The following ANO2 variants were observed in gnomAD, a reference collection of about 807,000 sequenced individuals.
The protein encoded by ANO2 is anoctamin 2, also known as anoctamin-2.
A neutral mutation model predicts 124.2 loss-of-function variants in ANO2; 101 were observed. The observed-to-expected ratio is 0.81, with a 90% CI of 0.69 to 0.96. The LOEUF (loss-of-function observed/expected upper bound fraction) is 0.96. ANO2 is among the 40% of genes least tolerant of loss of function. The pLI is 0.00. For missense variants in ANO2, 1,293 were observed against 1,274.5 expected (o/e 1.01, Z -0.22); for synonymous variants, 486 against 482.5 (o/e 1.01, Z -0.09).
At chr12:5,612,992 A>G in intron 17 of ANO2, 34 bp from the exon 18 acceptor site, 6 of 1,610,736 alleles carry the variant, frequency 3.7e-6, no homozygotes, top group Non-Finnish European at 4.2e-6. Flanking sequence ...AGTTAGGGGA[A>G]GAGAAAGCAT....
chr12:5,645,514 A>G lies in ANO2; in HGVS notation c.1620+2213T>C, dbSNP rs550711205. ...ATATATAACAATAATATTTTTGTTA[A>G]TTTCTATATATATTTATTTCTAGCA... On this transcript the variant is annotated intron_variant, in intron 15 of 24. Transcript: ENST00000682330. Among the ~76,000 whole-genome samples the G allele has an allele frequency of 2.4e-4, 37 of 152,094 alleles. No individual in the cohort carries two copies. The South Asian group carries it at 7.3e-3, about 30-fold the overall frequency.
At chr12:5,782,091 T>C (rs1952416945) in intron 10 of ANO2, among the ~76,000 whole-genome samples, 1 of 152,214 alleles carries the variant, frequency 6.6e-6, no homozygotes, top group Admixed American at 6.5e-5. Flanking sequence ...TTTCGTTTTG[T>C]CAACTACTGC....
rs532788743 is a variant in ANO2 at position 5,603,863 on chromosome 12, T to C, written c.2088-4234A>G. Among the ~76,000 whole-genome samples the C allele has an allele frequency of 4.4e-5, 6 of 135,618 alleles. No individual in the cohort carries two copies. The South Asian group carries it at 1.4e-3, about 32-fold the overall frequency. The allele number at this position is 135,618 out of a possible 152,430, so 89.0% of individuals were successfully genotyped here. A position where few individuals can be genotyped will look rare whatever the true frequency, so the allele number is the denominator to read the frequency against. ...GGGAGGCTGAGGCAGGAGAATGGCATGAACCCGGGAGGCGGAGGTTGCAGT... is the reference window on the plus strand; with the variant it reads ...GGGAGGCTGAGGCAGGAGAATGGCACGAACCCGGGAGGCGGAGGTTGCAGT... On this transcript the variant is annotated intron_variant, in intron 19 of 24. Transcript: ENST00000682330.
At chr12:5,847,233 A>G (rs1276151833) in intron 4 of ANO2, among the ~76,000 whole-genome samples, 1 of 152,198 alleles carries the variant, frequency 6.6e-6, no homozygotes, top group Non-Finnish European at 1.5e-5. Context: ...GAGCTGGGAC[A>G]TCAGTCTTTT....
chr12:5,939,272 T>C (rs1260196269), intron 1 of ANO2, among the ~76,000 whole-genome samples: 2 of 137,546 alleles, frequency 1.5e-5, no homozygotes, highest in Non-Finnish European at 3.1e-5. Context: ...TTCAACATAA[T>C]CAAAAGCTCC....
chr12:5,584,267 C>T (rs529752038), intron 20 of ANO2, among the ~76,000 whole-genome samples: 1 of 152,208 alleles, frequency 6.6e-6, no homozygotes, highest in Admixed American at 6.5e-5. Flanking sequence ...CAAAGGGACT[C>T]CTGTGTGCAC....
intron 14 of ANO2, among the ~76,000 whole-genome samples, chr12:5,713,358 A>C (rs376416917): frequency 7.9e-5 from 12 of 152,272 alleles, no homozygotes; most frequent in South Asian, 6.2e-4. Flanking sequence ...TTACTTCTTT[A>C]ACATTATTTT....
intron 11 of ANO2, among the ~76,000 whole-genome samples, chr12:5,746,201 C>T (rs1406854361): frequency 2.6e-5 from 4 of 152,258 alleles, no homozygotes; most frequent in African/African-American, 7.2e-5. Context: ...GAATGAAAAA[C>T]GTATTAGCAG....
At chr12:5,795,987 T>A (rs1952832445) in intron 10 of ANO2, among the ~76,000 whole-genome samples, 1 of 152,118 alleles carries the variant, frequency 6.6e-6, no homozygotes, top group South Asian at 2.1e-4. Context: ...ATTCCTCATA[T>A]TATCAGCCAC....
rs1947314585 is a variant in ANO2 at position 5,658,947 on chromosome 12, G to A, written c.1546-11146C>T. 1.3e-5 allele frequency among the ~76,000 whole-genome samples: 2 copies of A among 152,038 alleles called. No individual in the cohort carries two copies. Among genetic ancestry groups the A allele is most frequent in the Admixed American group, 1.3e-4 (2 of 15,266 alleles). The stretch of plus-strand genomic sequence containing the variant: ...CATCATCATTGCTTTATCCACCAGG[G>A]ACCCTGTGGCCCCAACTGATAAGGA... On this transcript the variant is annotated intron_variant, in intron 14 of 24. Coordinates refer to ENST00000682330, the MANE Select transcript of ANO2 (RefSeq NM_001364791.2). The surrounding 1 kb of genome is among the most constrained non-coding windows in gnomAD (Gnocchi z 4.3).
chr12:5,769,146 C>T lies in ANO2; in HGVS notation c.1056-18176G>A, dbSNP rs577280277. ...TTGCAAGGAGAGGACCCTAGATTTA[C>T]GACACTCTCCTGTGCTGTGCCACTT... On this transcript the variant is annotated intron_variant, in intron 10 of 24. Coordinates refer to ENST00000682330, the MANE Select transcript of ANO2 (RefSeq NM_001364791.2). The surrounding 1 kb of genome is among the most constrained non-coding windows in gnomAD (Gnocchi z 4.0). Among the ~76,000 whole-genome samples, 30 of 152,262 alleles carry T rather than the reference C, an allele frequency of 2.0e-4. No homozygotes were observed. The highest frequency in any genetic ancestry group is 6.3e-4 in the African/African-American group (26 of 41,548).
intron 20 of ANO2, among the ~76,000 whole-genome samples, chr12:5,582,072 G>A (rs1942785651): frequency 6.6e-6 from 1 of 152,226 alleles, no homozygotes; most frequent in African/African-American, 2.4e-5. Flanking sequence ...AGGATACAAT[G>A]ATACCGGCTT....
At chr12:5,742,748 C>T (rs183023652) in intron 12 of ANO2, among the ~76,000 whole-genome samples, 15 of 152,230 alleles carry the variant, frequency 9.9e-5, no homozygotes, top group African/African-American at 2.4e-4. Flanking sequence ...AAAATGAATA[C>T]GTATTCTGGG....
chr12:5,676,470 T>G (rs997327320), intron 14 of ANO2, among the ~76,000 whole-genome samples: 3 of 152,194 alleles, frequency 2.0e-5, no homozygotes, highest in African/African-American at 7.2e-5. Context: ...ACAGTACATC[T>G]CGTTTTATTT....
intron 1 of ANO2, among the ~76,000 whole-genome samples, chr12:5,943,571 G>A (rs74952194): frequency 0.041 from 6,286 of 152,122 alleles, 171 homozygotes; most frequent in South Asian, 0.11. Flanking sequence ...TACACTGCTC[G>A]GGTGAGGAGG....
At chr12:5,823,910 C>A (rs889858156) in intron 7 of ANO2, among the ~76,000 whole-genome samples, 4 of 152,230 alleles carry the variant, frequency 2.6e-5, no homozygotes, top group African/African-American at 7.2e-5. Flanking sequence ...CACCTGCAGG[C>A]TCAACACTAC....
chr12:5,765,134 G>T (rs529978212), intron 10 of ANO2, among the ~76,000 whole-genome samples: 2 of 152,274 alleles, frequency 1.3e-5, no homozygotes, highest in South Asian at 4.1e-4. Flanking sequence ...AAGAATGCAA[G>T]AAACAAAGAA....
At chr12:5,610,663 G>A (rs1226025693) in intron 19 of ANO2, among the ~76,000 whole-genome samples, 1 of 136,334 alleles carries the variant, frequency 7.3e-6, no homozygotes, top group Non-Finnish European at 1.6e-5. Context: ...CTCTGACCAG[G>A]GTCTTGGGGC....
At chr12:5,746,383 T>C (rs930330007) in intron 11 of ANO2, among the ~76,000 whole-genome samples, 1 of 152,122 alleles carries the variant, frequency 6.6e-6, no homozygotes, top group African/African-American at 2.4e-5. Flanking sequence ...TATTGGGGGG[T>C]TTTTGATGTA....
Sources: gnomAD v4.1 joint callset for allele counts (sites outside exome capture counted in the v4.1 genomes callset) on GRCh38, gnomAD v4.1.1 for gene constraint, Gnocchi (gnomAD v3.1) non-coding constraint, MANE v1.5 for transcripts, NCBI Gene and HGNC (gene_info 2026-07-23, HGNC 2026-07-21) for gene names.